The following ERICH3 variants were observed in gnomAD, a reference collection of about 807,000 sequenced individuals.
ERICH3 encodes glutamate-rich protein 3.
ERICH3 carries 126 observed loss-of-function variants against 131.1 expected under a neutral mutation model. The observed-to-expected ratio is 0.96, with a 90% confidence interval of 0.83 to 1.11. The LOEUF is 1.11. ERICH3 is among the 50% of genes most tolerant of loss of function. ERICH3 has a pLI of 0.00. For missense variants in ERICH3, 2,050 were observed against 1,810.7 expected (o/e 1.13, Z -2.40); for synonymous variants, 695 against 644.6 (o/e 1.08, Z -1.18).
intron 2 of ERICH3, among the ~76,000 whole-genome samples, chr1:74,648,789 G>A (rs1646506449): frequency 6.6e-6 from 1 of 152,072 alleles, no homozygotes; most frequent in Admixed American, 6.6e-5. Context: ...GGAAGTAATT[G>A]TTTTTAAATT....
chr1:74,673,123 A>G (rs540898525), intron 1 of ERICH3, among the ~76,000 whole-genome samples: 6 of 152,258 alleles, frequency 3.9e-5, no homozygotes, highest in Non-Finnish European at 5.9e-5. Flanking sequence ...AAATCTCCAA[A>G]CGAATTCTTA....
intron 1 of ERICH3, among the ~76,000 whole-genome samples, chr1:74,660,573 G>A (rs1027355948): frequency 2.7e-5 from 4 of 146,848 alleles, no homozygotes; most frequent in African/African-American, 1.0e-4. Context: ...ATACATGTGT[G>A]CACACATTCA....
intron 1 of ERICH3, among the ~76,000 whole-genome samples, chr1:74,652,271 G>C (rs1444590772): frequency 6.6e-6 from 1 of 152,086 alleles, no homozygotes; most frequent in Non-Finnish European, 1.5e-5. Flanking sequence ...TCCACTGCAT[G>C]CATATACATG....
rs1414662584 is a variant in ERICH3, at chr1:74,606,795, C to T, written c.1295G>A (p.Arg432Lys). ...TGGTATCACATACTCTCTCTCTTTC[C>T]TCACTTTCCCCTCAGCCTTCTTCAG... ...EELKKAEGKV[R>K]KEREYVIPKR... The change falls in exon 10 of 15, where the codon AGG becomes AAG. Residue 432 changes from arginine (R) to lysine (K), a missense_variant. Transcript: ENST00000326665. 6.2e-7 allele frequency: 1 copy of T among 1,613,206 alleles called. No homozygotes were observed. The highest frequency in any genetic ancestry group is 8.5e-7 in the Non-Finnish European group (1 of 1,179,544).
At position 74,589,929 on chromosome 1, in the gene ERICH3, A is replaced by AT. The variant is rs1224440854; in HGVS notation, c.1877dup (p.Asn626LysfsTer2). 6.2e-7 allele frequency: 1 copy of AT among 1,613,858 alleles called. No individual in the cohort carries two copies. The highest frequency in any genetic ancestry group is 8.5e-7 in the Non-Finnish European group (1 of 1,179,950). On this transcript the variant is annotated frameshift_variant, in exon 12 of 15. Transcript: ENST00000326665. LOFTEE classifies it high-confidence loss of function. ...GAAGGTGAGACTTTCTTGGCTTATC[A>AT]TTTTCACTCAGTTCCTGAGAAGATG...
At chr1:74,669,966 G>A (rs1646726305) in intron 1 of ERICH3, among the ~76,000 whole-genome samples, 1 of 152,116 alleles carries the variant, frequency 6.6e-6, no homozygotes, top group Non-Finnish European at 1.5e-5. Flanking sequence ...TGATAGAAAA[G>A]CCTTCTCAGC....
chr1:74,594,330 A>G (rs1647747464), intron 11 of ERICH3, among the ~76,000 whole-genome samples: 1 of 147,234 alleles, frequency 6.8e-6, no homozygotes, highest in South Asian at 2.1e-4. Flanking sequence ...AGCAGTCTTC[A>G]CTGTTTATAC....
rs1255569610 is a variant in ERICH3, at chr1:74,571,664, G to T, written c.4046C>A (p.Thr1349Lys). Reference protein sequence around the residue: ...AVEVLHGGGETAETAAEEREV... With the variant: ...AVEVLHGGGEKAETAAEEREV... ...CCTCTCCTCTGCGGCTGTTTCTGCC[G>T]TTTCACCACCTCCGTGTAGAACTTC... Residue 1349 changes from threonine to lysine, a missense_variant, in exon 14 of 15, where the codon ACG becomes AAG. Physicochemically the swap from Thr to Lys is moderately conservative, Grantham distance 78. Coordinates refer to ENST00000326665, the MANE Select transcript of ERICH3 (RefSeq NM_001002912.5). 4.3e-6 allele frequency: 7 copies of T among 1,614,032 alleles called. No individual in the cohort carries two copies. In the South Asian group the frequency reaches 6.6e-5, roughly 15 times the overall value.
Position 74,580,336 on chromosome 1 carries a change from A to G in ERICH3, c.2177-3400T>C, listed in dbSNP as rs112622624. Among the ~76,000 whole-genome samples, 439 of 152,286 alleles carry G rather than the reference A, an allele frequency of 2.9e-3. 3 individuals are homozygous for G. Among genetic ancestry groups the G allele is most frequent in the African/African-American group, 0.01 (427 of 41,570 alleles). ...AGTCTTACTAAATTTCGGTTCATCA[A>G]TGTCTATTGTTAAATATTGAGCTAT... On this transcript the variant is annotated intron_variant, in intron 12 of 14. Coordinates refer to ENST00000326665, the MANE Select transcript of ERICH3 (RefSeq NM_001002912.5).
At chr1:74,660,705 T>TATATATAC (rs1186691210) in intron 1 of ERICH3, among the ~76,000 whole-genome samples, 2 of 149,274 alleles carry the variant, frequency 1.3e-5, no homozygotes, top group Non-Finnish European at 3.0e-5. Context: ...ATTATGTGTG[T>TATATATAC]ATATATACAT....
At chr1:74,672,055 T>C (rs1256105015) in intron 1 of ERICH3, among the ~76,000 whole-genome samples, 2 of 152,244 alleles carry the variant, frequency 1.3e-5, no homozygotes, top group Admixed American at 6.5e-5. Flanking sequence ...GACTTCAGTT[T>C]CTGAAATCTT....
At chr1:74,626,427 A>C (rs1490719166) in intron 7 of ERICH3, among the ~76,000 whole-genome samples, 1 of 152,230 alleles carries the variant, frequency 6.6e-6, no homozygotes, top group Non-Finnish European at 1.5e-5. Context: ...GGGGGCTTTC[A>C]TGGAAAAGTC....
chr1:74,643,321 C>T (rs1206565248), intron 3 of ERICH3, among the ~76,000 whole-genome samples: 1 of 152,060 alleles, frequency 6.6e-6, no homozygotes, highest in Non-Finnish European at 1.5e-5. Context: ...GTGTTCATAA[C>T]CTTTAACCCT....
intron 12 of ERICH3, among the ~76,000 whole-genome samples, chr1:74,583,008 C>A (rs1647205924): frequency 6.6e-6 from 1 of 152,076 alleles, no homozygotes; most frequent in African/African-American, 2.4e-5. Context: ...TACACATCCT[C>A]TAGGCCATTT....
chr1:74,623,909 AT>A (rs1250607674), intron 7 of ERICH3: 1 of 152,202 alleles, frequency 6.6e-6, no homozygotes, highest in East Asian at 1.9e-4. Context: ...CCCAAACACT[AT>A]CAACTACTTT....
chr1:74,571,402 G>C lies in ERICH3; in HGVS notation c.4308C>G (p.Ala1436=). ...CTAGCCCTGAGGTCTTCCGCTCCAG[G>C]GCTCCTGGAGTGCCCACCCCAGCCT... ...TTEAGVGTPG[A]LERKTSGLGQ... The change falls in exon 14 of 15, where the codon GCC becomes GCG. Residue 1436 remains alanine, a synonymous_variant. Transcript: ENST00000326665. 6.2e-7 allele frequency: 1 copy of C among 1,613,768 alleles called. No individual in the cohort carries two copies. The highest frequency in any genetic ancestry group is 8.5e-7 in the Non-Finnish European group (1 of 1,179,952).
intron 9 of ERICH3, among the ~76,000 whole-genome samples, chr1:74,611,455 C>A (rs531933493): frequency 6.6e-6 from 1 of 152,118 alleles, no homozygotes. Flanking sequence ...TCCCCACACA[C>A]CCTTGTTTAT....
chr1:74,665,776 C>G (rs1423281316), intron 1 of ERICH3, among the ~76,000 whole-genome samples: 1 of 152,070 alleles, frequency 6.6e-6, no homozygotes. Context: ...TTAATTACCT[C>G]TTTAAAGACC....
At chr1:74,609,682 A>C (rs573235308) in intron 9 of ERICH3, among the ~76,000 whole-genome samples, 1 of 152,188 alleles carries the variant, frequency 6.6e-6, no homozygotes, top group East Asian at 1.9e-4. Context: ...ATGACAATGC[A>C]CTGTTCTATT....
Sources: allele counts gnomAD v4.1 joint callset (sites outside exome capture counted in the v4.1 genomes callset), GRCh38; gene constraint gnomAD v4.1.1; transcripts MANE v1.5; gene names NCBI Gene and HGNC (gene_info 2026-07-23, HGNC 2026-07-21).